The following IGF2BP2 variants were observed in gnomAD, a reference collection of about 807,000 sequenced individuals.
IGF2BP2 encodes insulin-like growth factor 2 mRNA-binding protein 2.
IGF2BP2 carries 17 observed loss-of-function variants against 75.8 expected under a neutral mutation model. The ratio of observed to expected loss-of-function variants is 0.22; its 90% CI spans 0.15 to 0.34. IGF2BP2 has a LOEUF of 0.34. Ranked by LOEUF, IGF2BP2 falls within the 10% of genes least tolerant of loss-of-function variation. IGF2BP2 has a pLI of 1.00. For missense variants in IGF2BP2, 516 were observed against 772.4 expected (o/e 0.67, Z 3.93); for synonymous variants, 288 against 295.6 (o/e 0.97, Z 0.26).
At chr3:185,743,543 TG>T (rs1360407099) in intron 2 of IGF2BP2, among the ~76,000 whole-genome samples, 3 of 152,236 alleles carry the variant, frequency 2.0e-5, no homozygotes, top group Non-Finnish European at 4.4e-5. Flanking sequence ...TCCAAAGTGT[TG>T]GGATTACAGG....
intron 2 of IGF2BP2, among the ~76,000 whole-genome samples, chr3:185,766,411 G>A (rs1733067532): frequency 6.6e-6 from 1 of 151,976 alleles, no homozygotes. Context: ...TAGTCTACAA[G>A]CTAAGAATGT....
chr3:185,718,793 C>G (rs1051718292), intron 2 of IGF2BP2, among the ~76,000 whole-genome samples: 1 of 151,558 alleles, frequency 6.6e-6, no homozygotes, highest in East Asian at 1.9e-4. Context: ...AGCAAAGCCA[C>G]GATCAAAACC....
At chr3:185,683,610 T>C (rs1006556644) in intron 7 of IGF2BP2, among the ~76,000 whole-genome samples, 3 of 152,112 alleles carry the variant, frequency 2.0e-5, no homozygotes, top group Non-Finnish European at 4.4e-5. Context: ...GGTTTCACCA[T>C]GTTGGCCAGG....
At position 185,672,739 on chromosome 3, in the gene IGF2BP2, C is replaced by A; in HGVS notation, c.1072-70G>T. 1.9e-6 allele frequency: 3 copies of A among 1,566,082 alleles called. No individual in the cohort carries two copies. In the South Asian group the frequency reaches 3.4e-5, roughly 18 times the overall value. ...GAGGCCCGCACGCCTGGGTCAACCT[C>A]CCTCTCTTGTCTTAATGGCACCAGC... On this transcript the variant is annotated intron_variant, in intron 9 of 15. Transcript: ENST00000382199.
rs956911448 is a variant in IGF2BP2 at position 185,790,061 on chromosome 3, G to A, written c.239+33092C>T. 5.3e-5 allele frequency among the ~76,000 whole-genome samples: 8 copies of A among 152,096 alleles called. No individual in the cohort carries two copies. In the East Asian group the frequency reaches 9.6e-4, roughly 18 times the overall value. On this transcript the variant is annotated intron_variant, in intron 2 of 15. Transcript: ENST00000382199. The stretch of plus-strand genomic sequence containing the variant: ...AACCAGGAATCTTAATGCATGGGCT[G>A]AGGAGGCTGACTGACCTAGACGACA...
At chr3:185,791,159 A>G (rs1736594428) in intron 2 of IGF2BP2, among the ~76,000 whole-genome samples, 1 of 152,238 alleles carries the variant, frequency 6.6e-6, no homozygotes, top group South Asian at 2.1e-4. Flanking sequence ...GTATTGGTCC[A>G]CTGCTGTGTT....
At chr3:185,751,519 G>C (rs1004747756) in intron 2 of IGF2BP2, among the ~76,000 whole-genome samples, 1 of 144,862 alleles carries the variant, frequency 6.9e-6, no homozygotes, top group Non-Finnish European at 1.5e-5. Context: ...TGCTGAGGCA[G>C]GAGAATTGCT....
At chr3:185,750,283 C>G (rs1730795108) in intron 2 of IGF2BP2, among the ~76,000 whole-genome samples, 1 of 152,192 alleles carries the variant, frequency 6.6e-6, no homozygotes, top group Non-Finnish European at 1.5e-5. Flanking sequence ...AAGGATCCTT[C>G]AGGAAATGCC....
Position 185,824,951 on chromosome 3 carries a change from T to G in IGF2BP2, c.10A>C (p.Lys4Gln), listed in dbSNP as rs1741844983. MMN[K>Q]LYIGNLSPAV... ...GGGCTCAGGTTCCCGATGTAAAGCT[T>G]GTTCATCATCCGTCTCTTCCCCGAG... Residue 4 changes from lysine (K) to glutamine (Q), a missense_variant, in exon 1 of 16, where the codon AAG becomes CAG. Transcript: ENST00000382199. 1.3e-6 allele frequency: 2 copies of G among 1,543,616 alleles called. No individual in the cohort carries two copies. Among genetic ancestry groups the G allele is most frequent in the African/African-American group, 1.4e-5 (1 of 71,524 alleles).
At chr3:185,687,972 A>T (rs1451760182) in intron 6 of IGF2BP2, among the ~76,000 whole-genome samples, 1 of 152,078 alleles carries the variant, frequency 6.6e-6, no homozygotes, top group Non-Finnish European at 1.5e-5. Context: ...GCACAAAAAG[A>T]CACAAATAAA....
rs759591402 is a variant in IGF2BP2, at chr3:185,748,757, C to T, written c.240-50410G>A. On this transcript the variant is annotated intron_variant, in intron 2 of 15. Transcript: ENST00000382199. ...TTTTGCAAAATCTGTTCCCCAAGTTCCTGACACAAAGAACTCCAATGCCAT... is the reference window on the plus strand; with the variant it reads ...TTTTGCAAAATCTGTTCCCCAAGTTTCTGACACAAAGAACTCCAATGCCAT... Among the ~76,000 whole-genome samples the T allele has an allele frequency of 1.1e-3, 162 of 152,294 alleles. 1 individual carries two copies. Among genetic ancestry groups the T allele is most frequent in the Middle Eastern group, 6.8e-3 (2 of 294 alleles).
intron 2 of IGF2BP2, chr3:185,717,569 A>T (rs1725836100): frequency 6.6e-6 from 1 of 152,268 alleles, no homozygotes; most frequent in Non-Finnish European, 1.5e-5. Flanking sequence ...TGTAAAGGCT[A>T]GAAGAAAAGA....
Position 185,825,004 on chromosome 3 carries a change from C to T in IGF2BP2, c.-44G>A. 1 of 1,415,094 alleles carries T rather than the reference C, an allele frequency of 7.1e-7. No individual in the cohort carries two copies. Among genetic ancestry groups the T allele is most frequent in the Non-Finnish European group, 9.4e-7 (1 of 1,062,066 alleles). The allele number at this position is 1,415,094 out of a possible 1,614,324, so 87.7% of individuals were successfully genotyped here. ...CCCGCGGCTCCCCCGGCCCGGTACCCGGCGCTCCTCGCCTCCTCCGCTGCC... is the reference window on the plus strand; with the variant it reads ...CCCGCGGCTCCCCCGGCCCGGTACCTGGCGCTCCTCGCCTCCTCCGCTGCC... On this transcript the variant is annotated 5_prime_UTR_variant, in exon 1 of 16. Coordinates refer to ENST00000382199, the MANE Select transcript of IGF2BP2 (RefSeq NM_006548.6).
intron 2 of IGF2BP2, among the ~76,000 whole-genome samples, chr3:185,710,050 T>C (rs1246046550): frequency 6.6e-6 from 1 of 151,946 alleles, no homozygotes; most frequent in African/African-American, 2.4e-5. Flanking sequence ...AATAGGACAA[T>C]ATTGATCTCA....
At chr3:185,713,589 G>T in intron 2 of IGF2BP2, 1 of 464,342 alleles carries the variant, frequency 2.2e-6, no homozygotes, top group Non-Finnish European at 4.3e-6. Context: ...GCTCTTTCTC[G>T]TTATTTTTAA....
At chr3:185,791,923 G>C (rs999114486) in intron 2 of IGF2BP2, among the ~76,000 whole-genome samples, 1 of 152,196 alleles carries the variant, frequency 6.6e-6, no homozygotes, top group African/African-American at 2.4e-5. Flanking sequence ...AAGGAATAAA[G>C]GGCCACTGTG....
chr3:185,664,180 T>C (rs568817806), intron 10 of IGF2BP2, among the ~76,000 whole-genome samples: 24 of 152,266 alleles, frequency 1.6e-4, no homozygotes, highest in Admixed American at 1.2e-3. Context: ...CCTTAGAAGC[T>C]GGAGGGAGCT....
intron 2 of IGF2BP2, among the ~76,000 whole-genome samples, chr3:185,737,744 G>A (rs1002279567): frequency 6.6e-6 from 1 of 152,162 alleles, no homozygotes; most frequent in Admixed American, 6.5e-5. Flanking sequence ...AGACAGACTA[G>A]ACAATGTGGG....
intron 2 of IGF2BP2, among the ~76,000 whole-genome samples, chr3:185,711,010 T>C (rs911511874): frequency 6.6e-6 from 1 of 152,126 alleles, no homozygotes; most frequent in South Asian, 2.1e-4. Flanking sequence ...CAATAAAAAC[T>C]ACTTTTTAAA....
Sources: gnomAD v4.1 joint callset for allele counts (sites outside exome capture counted in the v4.1 genomes callset) on GRCh38, gnomAD v4.1.1 for gene constraint, MANE v1.5 for transcripts, NCBI Gene and HGNC (gene_info 2026-07-23, HGNC 2026-07-21) for gene names.